ATG7: variants seen among roughly 807,000 people sequenced by gnomAD.
ATG7 encodes the protein ubiquitin-like modifier-activating enzyme ATG7.
In ATG7, 70 loss-of-function variants were observed where a neutral mutation model predicts 82.4. That is an observed-to-expected ratio of 0.85 (90% CI 0.70 to 1.04). The LOEUF (loss-of-function observed/expected upper bound fraction) is 1.04. Ranked by LOEUF, ATG7 falls within the 50% of genes least tolerant of loss-of-function variation. ATG7 has a pLI of 0.00. For synonymous variants in ATG7, 287 were observed against 313.0 expected (o/e 0.92, Z 0.88); for missense variants, 792 against 864.3 (o/e 0.92, Z 1.05).
At position 11,422,740 on chromosome 3, in the gene ATG7, C is replaced by CTTTTTTTTTTTTTTTTTTTTTTT. The variant is rs557755646; in HGVS notation, c.1957-4057_1957-4035dup. Among the ~76,000 whole-genome samples the CTTTTTTTTTTTTTTTTTTTTTTT allele has an allele frequency of 8.1e-5, 4 of 49,546 alleles. 1 individual carries two copies. Among genetic ancestry groups the CTTTTTTTTTTTTTTTTTTTTTTT allele is most frequent in the Non-Finnish European group, 9.6e-5 (3 of 31,130 alleles). 32.5% of individuals were successfully genotyped at this position (49,546 alleles called of 152,430 possible). Reference sequence around the variant, plus strand: ...CCTCACTATGCTTAATCATTTCTAGCTTTTTTTTTTTTTTTTTTTTTTTTT... The same window carrying CTTTTTTTTTTTTTTTTTTTTTTT: ...CCTCACTATGCTTAATCATTTCTAGCTTTTTTTTTTTTTTTTTTTTTTTTTTTTTTTTTTTTTTTTTTTTTTTT... On this transcript the variant is annotated intron_variant, in intron 19 of 20. Transcript: ENST00000693202.
chr3:11,448,204 C>A (rs1429446166), intron 20 of ATG7, among the ~76,000 whole-genome samples: 1 of 152,212 alleles, frequency 6.6e-6, no homozygotes, highest in Non-Finnish European at 1.5e-5. Context: ...TCCTTACCAC[C>A]ACCTCCAAAC....
intron 20 of ATG7, among the ~76,000 whole-genome samples, chr3:11,468,308 G>C (rs917445777): frequency 2.4e-5 from 1 of 41,952 alleles, no homozygotes; most frequent in Non-Finnish European, 4.3e-5. Flanking sequence ...GAAGGGGTAA[G>C]TGGAGCTAGT....
chr3:11,321,237 G>A (rs1378118939), intron 9 of ATG7, among the ~76,000 whole-genome samples: 1 of 152,216 alleles, frequency 6.6e-6, no homozygotes, highest in Non-Finnish European at 1.5e-5. Context: ...GGAGCCTATG[G>A]ATTGTTAAGG....
chr3:11,293,406 C>A (rs1047914761), intron 3 of ATG7, among the ~76,000 whole-genome samples: 3 of 151,722 alleles, frequency 2.0e-5, no homozygotes, highest in Non-Finnish European at 2.9e-5. Flanking sequence ...TGGTGCATGC[C>A]TGTAATCCCA....
At chr3:11,542,550 G>A (rs965953697) in intron 20 of ATG7, among the ~76,000 whole-genome samples, 2 of 152,180 alleles carry the variant, frequency 1.3e-5, no homozygotes, top group Non-Finnish European at 2.9e-5. Flanking sequence ...GGCCCTTCCT[G>A]TGGCCCGTGT....
chr3:11,326,294 T>TTG (rs1950872408), intron 9 of ATG7, among the ~76,000 whole-genome samples: 8 of 151,536 alleles, frequency 5.3e-5, no homozygotes, highest in South Asian at 2.1e-4. Context: ...CTGTTTTTTT[T>TTG]TTGTTGTTGT....
intron 13 of ATG7, among the ~76,000 whole-genome samples, chr3:11,344,377 G>A (rs1236532870): frequency 1.3e-5 from 2 of 152,160 alleles, no homozygotes; most frequent in African/African-American, 4.8e-5. Context: ...TTGGTTTCTG[G>A]TAAGTGTTCT....
rs116714745 is a variant in ATG7 at position 11,537,304 on chromosome 3, C to T, written c.2080-17507C>T. On this transcript the variant is annotated intron_variant, in intron 20 of 20. Transcript: ENST00000693202. ...ACTGTTCCTCCATCATTCCACCTCTCACCCCATTTTTTTCCTATATTTTGT... is the reference window on the plus strand; with the variant it reads ...ACTGTTCCTCCATCATTCCACCTCTTACCCCATTTTTTTCCTATATTTTGT... 5.6e-3 allele frequency among the ~76,000 whole-genome samples: 856 copies of T among 152,302 alleles called. 6 individuals are homozygous for T. The highest frequency in any genetic ancestry group is 8.5e-3 in the Non-Finnish European group (577 of 68,028).
chr3:11,568,899 C>T, the ATG7 span: 1 of 1,310,416 alleles, frequency 7.6e-7, no homozygotes, highest in Admixed American at 3.6e-5. The surrounding 1 kb of genome is among the most constrained non-coding windows in gnomAD (Gnocchi z 5.9). Context: ...CCGCCCCGGG[C>T]CTCATCCCCA....
At chr3:11,425,233 GGATTACAGGCAT>G (rs1276714676) in intron 19 of ATG7, among the ~76,000 whole-genome samples, 3 of 152,124 alleles carry the variant, frequency 2.0e-5, no homozygotes, top group African/African-American at 7.2e-5. Flanking sequence ...CAAAATGCTA[GGATTACAGGCAT>G]GAGCCATCGT....
chr3:11,514,457 C>T (rs2092199383), intron 20 of ATG7, among the ~76,000 whole-genome samples: 1 of 152,196 alleles, frequency 6.6e-6, no homozygotes, highest in Admixed American at 6.5e-5. Context: ...GGTGATTTTC[C>T]CACCGGGAGA....
At chr3:11,411,687 TC>T (rs2080919727) in intron 19 of ATG7, among the ~76,000 whole-genome samples, 1 of 151,410 alleles carries the variant, frequency 6.6e-6, no homozygotes, top group African/African-American at 2.4e-5. Flanking sequence ...TTTGTCCCAT[TC>T]CAGAAGTTGC....
the ATG7 span, chr3:11,564,918 T>C: frequency 1.9e-6 from 3 of 1,597,350 alleles, no homozygotes; most frequent in Non-Finnish European, 2.6e-6. Context: ...GGTGTACAGG[T>C]GGCTGCCGTG....
At chr3:11,559,622 C>G (rs867722446), downstream of ATG7, among the ~76,000 whole-genome samples, 8 of 152,194 alleles carry the variant, frequency 5.3e-5, no homozygotes, top group African/African-American at 1.9e-4. Flanking sequence ...AGCCAATCCA[C>G]AGAGTGAGCG....
intron 15 of ATG7, among the ~76,000 whole-genome samples, chr3:11,360,243 C>T (rs1327933276): frequency 3.9e-5 from 6 of 152,122 alleles, no homozygotes; most frequent in Non-Finnish European, 5.9e-5. Flanking sequence ...GACAGGGTTT[C>T]GTCATGTTGC....
chr3:11,313,271 A>T lies in ATG7; in HGVS notation c.412-33A>T, dbSNP rs754323858. ...CATTTCACCTTAAGTTAATGGTGCT[A>T]TTCTAATAACTTATTTATACTTTTT... is the stretch of plus-strand genomic sequence containing the variant. On this transcript the variant is annotated intron_variant, in intron 7 of 20. Coordinates refer to ENST00000693202, the MANE Select transcript of ATG7 (RefSeq NM_001349232.2). The T allele has an allele frequency of 7.0e-6, 10 of 1,419,390 alleles. No individual in the cohort carries two copies. The South Asian group carries it at 1.1e-4, about 15-fold the overall frequency. 87.9% of individuals were successfully genotyped at this position (1,419,390 alleles called of 1,614,324 possible). A position where few individuals can be genotyped will look rare whatever the true frequency, so the allele number is the denominator to read the frequency against.
At chr3:11,283,482 G>T (rs1438896355) in intron 3 of ATG7, among the ~76,000 whole-genome samples, 2 of 152,136 alleles carry the variant, frequency 1.3e-5, no homozygotes, top group African/African-American at 2.4e-5. Context: ...GTAAATCCAG[G>T]TGCAGGGGGG....
intron 4 of ATG7, chr3:11,299,060 G>T (rs1380465903): frequency 1.6e-6 from 1 of 635,698 alleles, no homozygotes; most frequent in African/African-American, 1.8e-5. Flanking sequence ...AGAGAGTAGT[G>T]AAACTCAAAT....
intron 4 of ATG7, 95 bp from the exon 5 acceptor site, chr3:11,299,267 C>T: frequency 7.8e-7 from 1 of 1,280,110 alleles, no homozygotes; most frequent in Non-Finnish European, 1.1e-6. Flanking sequence ...GCGCCTTGGG[C>T]TCAACAAAGA....
Sources: gnomAD v4.1 joint callset for allele counts (sites outside exome capture counted in the v4.1 genomes callset) on GRCh38, gnomAD v4.1.1 for gene constraint, Gnocchi (gnomAD v3.1) non-coding constraint, MANE v1.5 for transcripts, NCBI Gene and HGNC (gene_info 2026-07-23, HGNC 2026-07-21) for gene names.